KLHL3: variants seen among roughly 807,000 people sequenced by gnomAD.
KLHL3 encodes kelch-like protein 3.
In KLHL3, 19 loss-of-function variants were observed where a neutral mutation model predicts 70.5. That is an observed-to-expected ratio of 0.27 (90% CI 0.19 to 0.40). The LOEUF (loss-of-function observed/expected upper bound fraction) is 0.40. Ranked by LOEUF, KLHL3 falls within the 10% of genes least tolerant of loss-of-function variation. The probability of loss-of-function intolerance (pLI) is 1.00; values close to 1 mark genes in which losing one functional copy is unlikely to be tolerated. For synonymous variants in KLHL3, 258 were observed against 290.3 expected, an observed-to-expected ratio of 0.89 and a Z score of 1.13; for missense variants, 512 against 771.1, an observed-to-expected ratio of 0.66 and a Z score of 3.98.
intron 6 of KLHL3, among the ~76,000 whole-genome samples, chr5:137,677,155 AG>A (rs1751903537): frequency 6.6e-6 from 1 of 152,120 alleles, no homozygotes; most frequent in Non-Finnish European, 1.5e-5. Flanking sequence ...CTGAAAGAAA[AG>A]AAAAGATTGG....
intron 5 of KLHL3, among the ~76,000 whole-genome samples, chr5:137,689,643 T>A (rs1366981383): frequency 6.6e-6 from 1 of 152,120 alleles, no homozygotes; most frequent in Non-Finnish European, 1.5e-5. Context: ...GACATAAAGA[T>A]GGGAAAAACA....
At chr5:137,638,931 T>C (rs2149884778) in intron 10 of KLHL3, 22 bp downstream of exon 10, 1 of 1,608,644 alleles carries the variant, frequency 6.2e-7, no homozygotes, top group Middle Eastern at 1.7e-4. Context: ...TAGGAGGGGT[T>C]GGGAACACAC....
At chr5:137,651,756 C>A (rs1364544934) in intron 8 of KLHL3, among the ~76,000 whole-genome samples, 1 of 152,122 alleles carries the variant, frequency 6.6e-6, no homozygotes, top group African/African-American at 2.4e-5. Context: ...CTCACAAAAA[C>A]AACTTTGAAG....
chr5:137,652,956 T>C (rs1751241712), intron 8 of KLHL3: 1 of 152,054 alleles, frequency 6.6e-6, no homozygotes, highest in African/African-American at 2.4e-5. Context: ...AAAAAATTAA[T>C]TAGTGGCCGG....
chr5:137,734,246 G>C (rs754129244), intron 1 of KLHL3, among the ~76,000 whole-genome samples: 12 of 152,140 alleles, frequency 7.9e-5, no homozygotes, highest in Non-Finnish European at 1.8e-4. Flanking sequence ...AGATCAATGG[G>C]ACACTGTTTT....
In KLHL3 at chr5:137,618,235, CAACT is replaced by C. The variant is rs1450228805; in HGVS notation, c.*3859_*3862del. 2 of 152,506 alleles carry C rather than the reference CAACT, an allele frequency of 1.3e-5. No homozygotes were observed. The highest frequency in any genetic ancestry group is 4.8e-5 in the African/African-American group (2 of 41,372). The allele number at this position is 152,506 out of a possible 1,614,324, so 9.4% of individuals were successfully genotyped here. On this transcript the variant is annotated 3_prime_UTR_variant, in exon 15 of 15. Coordinates refer to ENST00000309755, the MANE Select transcript of KLHL3 (RefSeq NM_017415.3). ...AGGCAAACAGAGCCTTTAAAAACTC[CAACT>C]AACTGGAATATGAGTTTGCTCAGCC...
intron 8 of KLHL3, among the ~76,000 whole-genome samples, chr5:137,650,215 G>A (rs1561590753): frequency 6.6e-6 from 1 of 152,150 alleles, no homozygotes. Flanking sequence ...ACCTGAACCA[G>A]TTTCTGGATG....
chr5:137,658,827 C>T (rs749597776), intron 7 of KLHL3, among the ~76,000 whole-genome samples: 4 of 152,126 alleles, frequency 2.6e-5, no homozygotes, highest in Non-Finnish European at 4.4e-5. Flanking sequence ...GGCAGAAAAT[C>T]GGCCAGTGAG....
At chr5:137,703,159 T>C (rs1033937748) in intron 3 of KLHL3, among the ~76,000 whole-genome samples, 2 of 152,056 alleles carry the variant, frequency 1.3e-5, no homozygotes, top group Admixed American at 1.3e-4. Flanking sequence ...TACATAGTTA[T>C]ATGTCCTTAA....
chr5:137,691,475 G>T (rs901950336), intron 5 of KLHL3, among the ~76,000 whole-genome samples: 27 of 152,236 alleles, frequency 1.8e-4, no homozygotes, highest in Admixed American at 1.6e-3. Flanking sequence ...AGTAGCAGAT[G>T]AAGTAGCTTT....
At chr5:137,628,567 AC>A in intron 12 of KLHL3, 130 bp from the exon 13 acceptor site, 1 of 913,452 alleles carries the variant, frequency 1.1e-6, no homozygotes, top group Non-Finnish European at 1.7e-6. Flanking sequence ...GTCTCCCTGG[AC>A]CTCAGTGTCC....
chr5:137,726,349 C>T (rs911485537), intron 1 of KLHL3, among the ~76,000 whole-genome samples: 12 of 152,128 alleles, frequency 7.9e-5, no homozygotes, highest in South Asian at 2.1e-4. Flanking sequence ...ACCTAAATGC[C>T]AGCCTTACCT....
intron 5 of KLHL3, among the ~76,000 whole-genome samples, chr5:137,690,417 C>T (rs1033113391): frequency 2.0e-5 from 3 of 151,988 alleles, no homozygotes; most frequent in Non-Finnish European, 4.4e-5. Context: ...TCACTGGGAG[C>T]CCTCCCCAGG....
chr5:137,715,917 T>C (rs1752883302), intron 2 of KLHL3, among the ~76,000 whole-genome samples: 1 of 152,200 alleles, frequency 6.6e-6, no homozygotes, highest in Non-Finnish European at 1.5e-5. Context: ...ATTTTATGGT[T>C]GACAAAAGTG....
intron 7 of KLHL3, among the ~76,000 whole-genome samples, chr5:137,659,693 A>G (rs1751426851): frequency 6.6e-6 from 1 of 152,186 alleles, no homozygotes; most frequent in Non-Finnish European, 1.5e-5. Flanking sequence ...TTCTCCTGGA[A>G]AGTTAGTGCT....
At chr5:137,627,477 A>G (rs10074817) in intron 13 of KLHL3, among the ~76,000 whole-genome samples, 4 of 79,442 alleles carry the variant, frequency 5.0e-5, no homozygotes, top group South Asian at 5.2e-4. Flanking sequence ...AAATATCACC[A>G]CCCCCCCCCC....
chr5:137,627,266 G>A (rs1338587546), intron 13 of KLHL3, among the ~76,000 whole-genome samples: 1 of 152,058 alleles, frequency 6.6e-6, no homozygotes, highest in East Asian at 1.9e-4. Flanking sequence ...TTATAAAATA[G>A]TGTTATAGTG....
At chr5:137,711,132 T>C (rs1158726410) in intron 2 of KLHL3, among the ~76,000 whole-genome samples, 3 of 152,220 alleles carry the variant, frequency 2.0e-5, no homozygotes. Context: ...GTGAGAATGT[T>C]GAGGCCAATT....
At chr5:137,638,779 G>A (rs1423613192) in intron 10 of KLHL3, among the ~76,000 whole-genome samples, 174 bp downstream of exon 10, 2 of 152,220 alleles carry the variant, frequency 1.3e-5, no homozygotes, top group African/African-American at 2.4e-5. Context: ...TATTCTGTCT[G>A]GAAGAAGGCC....
Sources: allele counts gnomAD v4.1 joint callset (sites outside exome capture counted in the v4.1 genomes callset), GRCh38; gene constraint gnomAD v4.1.1; transcripts MANE v1.5; gene names NCBI Gene and HGNC (gene_info 2026-07-23, HGNC 2026-07-21).